Variants in NBEA observed in about 807,000 individuals in gnomAD.
NBEA encodes the protein lysosomal-trafficking regulator 2.
NBEA carries 44 observed loss-of-function variants against 343.4 expected under a neutral mutation model. The observed-to-expected ratio is 0.13, with a 90% CI of 0.10 to 0.16. NBEA has a LOEUF of 0.16. Ranked by LOEUF, NBEA falls within the 10% of genes least tolerant of loss-of-function variation. The pLI, the probability that NBEA is intolerant of heterozygous loss-of-function variation, is 1.00. For missense variants in NBEA, 2,555 were observed against 3,631.3 expected (o/e 0.70, Z 7.62); for synonymous variants, 1,175 against 1,238.7 (o/e 0.95, Z 1.08).
At chr13:35,660,957 A>T (rs1321644685) in intron 55 of NBEA, among the ~76,000 whole-genome samples, 1 of 152,136 alleles carries the variant, frequency 6.6e-6, no homozygotes, top group East Asian at 1.9e-4. Flanking sequence ...ATGGTAATGG[A>T]TGTATTGGAA....
intron 41 of NBEA, among the ~76,000 whole-genome samples, chr13:35,488,757 G>A (rs2076394741): frequency 6.6e-6 from 1 of 151,792 alleles, no homozygotes; most frequent in East Asian, 1.9e-4. Context: ...GTAGTCACAA[G>A]ACCCATTATG....
chr13:35,459,014 C>A lies in NBEA; in HGVS notation c.6448+6779C>A, dbSNP rs1203912203. On this transcript the variant is annotated intron_variant, in intron 40 of 58. Transcript: ENST00000379939. ...ATATTTCTTTACCACCGCCCCCCCCCCCCCACACACACACACACACACACT... is the reference window on the plus strand; with the variant it reads ...ATATTTCTTTACCACCGCCCCCCCCACCCCACACACACACACACACACACT... Among the ~76,000 whole-genome samples the A allele has an allele frequency of 3.3e-5, 4 of 122,872 alleles. 1 individual carries two copies. Among genetic ancestry groups the A allele is most frequent in the Admixed American group, 1.6e-4 (2 of 12,880 alleles). The allele number at this position is 122,872 out of a possible 152,430, so 80.6% of individuals were successfully genotyped here. A position where few individuals can be genotyped will look rare whatever the true frequency, so the allele number is the denominator to read the frequency against.
At chr13:35,420,750 G>A (rs1407534332) in intron 38 of NBEA, among the ~76,000 whole-genome samples, 1 of 151,698 alleles carries the variant, frequency 6.6e-6, no homozygotes, top group African/African-American at 2.4e-5. Context: ...ATGTTTTTTG[G>A]TCCATTTCTT....
intron 33 of NBEA, among the ~76,000 whole-genome samples, chr13:35,226,092 G>T (rs1390157643): frequency 2.0e-5 from 3 of 152,062 alleles, no homozygotes; most frequent in African/African-American, 4.8e-5. Context: ...GAATATTCTT[G>T]ATAACACCAC....
chr13:34,969,295 C>T (rs1435841184), intron 1 of NBEA, among the ~76,000 whole-genome samples: 1 of 151,218 alleles, frequency 6.6e-6, no homozygotes, highest in East Asian at 1.9e-4. Context: ...AAAGCATGAA[C>T]ATTTAAAATT....
chr13:35,610,288 G>A (rs943574381), intron 48 of NBEA, among the ~76,000 whole-genome samples: 2 of 152,136 alleles, frequency 1.3e-5, no homozygotes, highest in Non-Finnish European at 2.9e-5. Context: ...AGCTACTCAG[G>A]AGGCTGAGGT....
At chr13:35,369,626 A>G (rs2041318124) in intron 38 of NBEA, among the ~76,000 whole-genome samples, 1 of 151,778 alleles carries the variant, frequency 6.6e-6, no homozygotes, top group African/African-American at 2.4e-5. Context: ...TGTGAATAGG[A>G]TTACCTTCTT....
chr13:35,195,347 T>G (rs1004342196), intron 30 of NBEA, among the ~76,000 whole-genome samples: 4 of 152,096 alleles, frequency 2.6e-5, no homozygotes, highest in African/African-American at 9.7e-5. Flanking sequence ...AGAGGATTAT[T>G]TTGATGCTCC....
intron 31 of NBEA, among the ~76,000 whole-genome samples, chr13:35,198,814 T>C (rs2072812561): frequency 6.6e-6 from 1 of 151,920 alleles, no homozygotes; most frequent in Admixed American, 6.6e-5. Flanking sequence ...GAAGCGGCCT[T>C]GCACTGCACG....
intron 1 of NBEA, among the ~76,000 whole-genome samples, chr13:34,955,718 G>A (rs149232807): frequency 2.0e-5 from 3 of 152,128 alleles, no homozygotes; most frequent in African/African-American, 7.2e-5. Flanking sequence ...TAAAATTCTA[G>A]TAGTACAGTT....
At chr13:35,563,140 T>TAGATAGATAGATAG (rs1555303339) in intron 44 of NBEA, among the ~76,000 whole-genome samples, 1 of 133,234 alleles carries the variant, frequency 7.5e-6, no homozygotes, top group Non-Finnish European at 1.6e-5. Flanking sequence ...TGGAGATAGA[T>TAGATAGATAGATAG]AGATAGATAG....
At chr13:35,232,768 C>G in intron 34 of NBEA, 149 bp downstream of exon 34, 1 of 643,230 alleles carries the variant, frequency 1.6e-6, no homozygotes, top group Non-Finnish European at 2.3e-6. Context: ...TATGTTTTCT[C>G]TTCACTCATT....
chr13:35,219,374 A>G (rs1406904529), intron 33 of NBEA, among the ~76,000 whole-genome samples: 1 of 152,152 alleles, frequency 6.6e-6, no homozygotes, highest in African/African-American at 2.4e-5. Context: ...TAACATCAGC[A>G]TGCATCAGAA....
intron 18 of NBEA, among the ~76,000 whole-genome samples, chr13:35,154,188 A>G (rs935679682): frequency 2.0e-5 from 3 of 152,308 alleles, no homozygotes; most frequent in African/African-American, 4.8e-5. Flanking sequence ...CATTCCTAAT[A>G]TACTTATGTA....
intron 38 of NBEA, among the ~76,000 whole-genome samples, chr13:35,407,517 C>CAAAA (rs11355447): frequency 5.2e-5 from 7 of 135,182 alleles, no homozygotes; most frequent in African/African-American, 2.0e-4. Flanking sequence ...TGCATCATTT[C>CAAAA]AAAAAAAAAA....
At chr13:35,177,720 T>G (rs2152727190) in intron 28 of NBEA, among the ~76,000 whole-genome samples, 1 of 151,922 alleles carries the variant, frequency 6.6e-6, no homozygotes, top group East Asian at 1.9e-4. Flanking sequence ...CACATCAGAT[T>G]CAATGCTGAC....
chr13:35,346,307 G>A (rs1051342996), intron 36 of NBEA, among the ~76,000 whole-genome samples: 1 of 152,188 alleles, frequency 6.6e-6, no homozygotes, highest in East Asian at 1.9e-4. Context: ...TCAGCCTTCA[G>A]CATGCACTAG....
chr13:34,955,836 C>T (rs781353236), intron 1 of NBEA, among the ~76,000 whole-genome samples: 2 of 152,104 alleles, frequency 1.3e-5, no homozygotes, highest in Non-Finnish European at 2.9e-5. Context: ...GAGGCCCATC[C>T]ACATTAGGGA....
chr13:35,461,743 A>G (rs1312355287), intron 40 of NBEA, among the ~76,000 whole-genome samples: 1 of 152,224 alleles, frequency 6.6e-6, no homozygotes, highest in African/African-American at 2.4e-5. Context: ...ATAAAGTTAA[A>G]AAGAGATTTT....
Sources: gnomAD v4.1 joint callset for allele counts (sites outside exome capture counted in the v4.1 genomes callset) on GRCh38, gnomAD v4.1.1 for gene constraint, MANE v1.5 for transcripts, NCBI Gene and HGNC (gene_info 2026-07-23, HGNC 2026-07-21) for gene names.